Variants in SGCZ observed in about 807,000 individuals in gnomAD.
SGCZ encodes the protein sarcoglycan zeta.
In SGCZ, 40 loss-of-function variants were observed where a neutral mutation model predicts 41.3. The ratio of observed to expected loss-of-function variants is 0.97; its 90% CI spans 0.75 to 1.26. The LOEUF (loss-of-function observed/expected upper bound fraction) is 1.26, where lower values mean the gene tolerates loss of function less well. Ranked by LOEUF, SGCZ falls within the 50% of genes most tolerant of loss-of-function variation. The pLI, the probability that SGCZ is intolerant of heterozygous loss-of-function variation, is 0.00. For missense variants in SGCZ, 552 were observed against 369.8 expected (o/e 1.49, Z -4.04); for synonymous variants, 206 against 137.5 (o/e 1.50, Z -3.49).
At chr8:14,602,828 T>G (rs997061101) in intron 1 of SGCZ, among the ~76,000 whole-genome samples, 5 of 152,162 alleles carry the variant, frequency 3.3e-5, no homozygotes, top group Non-Finnish European at 5.9e-5. Flanking sequence ...AATCACCACC[T>G]CTCAGCTGAA....
chr8:14,246,443 T>C (rs1045842755), intron 3 of SGCZ, among the ~76,000 whole-genome samples: 3 of 151,238 alleles, frequency 2.0e-5, no homozygotes, highest in African/African-American at 7.3e-5. Flanking sequence ...CTGGGGACTG[T>C]TGTGGGGTGG....
chr8:15,017,144 C>A (rs1255354834), intron 1 of SGCZ, among the ~76,000 whole-genome samples: 10 of 152,160 alleles, frequency 6.6e-5, no homozygotes, highest in Non-Finnish European at 1.5e-4. Context: ...GATTTGAGTT[C>A]TGGCTTTAAA....
At chr8:15,087,819 A>T (rs1441853966) in intron 1 of SGCZ, among the ~76,000 whole-genome samples, 3 of 152,156 alleles carry the variant, frequency 2.0e-5, no homozygotes, top group African/African-American at 7.2e-5. Context: ...TTCTCTGCAA[A>T]TAAGCTATCA....
intron 2 of SGCZ, among the ~76,000 whole-genome samples, chr8:14,541,339 C>T (rs1174035492): frequency 6.6e-6 from 1 of 151,878 alleles, no homozygotes; most frequent in African/African-American, 2.4e-5. Flanking sequence ...TGTGATGTTC[C>T]CCTCCCTGTG....
At chr8:14,226,153 T>C (rs149927988) in intron 4 of SGCZ, among the ~76,000 whole-genome samples, 3 of 152,150 alleles carry the variant, frequency 2.0e-5, no homozygotes, top group East Asian at 1.9e-4. Context: ...TTTCCTTACA[T>C]AGTTGCATGA....
intron 1 of SGCZ, among the ~76,000 whole-genome samples, chr8:14,687,494 T>C (rs961070001): frequency 2.0e-5 from 3 of 151,832 alleles, no homozygotes; most frequent in African/African-American, 7.3e-5. Flanking sequence ...GATTTCCAAT[T>C]TCATCCATGT....
chr8:14,245,824 C>T (rs1246586781), intron 3 of SGCZ, among the ~76,000 whole-genome samples: 6 of 152,156 alleles, frequency 3.9e-5, no homozygotes, highest in African/African-American at 1.2e-4. Flanking sequence ...GACATTTATG[C>T]AGCCAAAAGA....
At chr8:14,217,811 G>T (rs970165616) in intron 4 of SGCZ, among the ~76,000 whole-genome samples, 61 of 151,240 alleles carry the variant, frequency 4.0e-4, no homozygotes, top group African/African-American at 1.4e-3. Context: ...TTGTATTTTT[G>T]GTAGAGACAA....
chr8:15,010,184 C>G (rs1429940785), intron 1 of SGCZ, among the ~76,000 whole-genome samples: 1 of 152,080 alleles, frequency 6.6e-6, no homozygotes, highest in Non-Finnish European at 1.5e-5. Flanking sequence ...AGAACACAAA[C>G]TAAACATTTG....
chr8:14,830,258 A>AT (rs57813453), intron 1 of SGCZ, among the ~76,000 whole-genome samples: 20,146 of 148,462 alleles, frequency 0.14, 2,370 homozygotes, highest in African/African-American at 0.32. Flanking sequence ...TGGTTTCCAA[A>AT]TTTTTTTTTT....
intron 7 of SGCZ, among the ~76,000 whole-genome samples, chr8:14,094,025 T>A (rs1478041): frequency 0.64 from 96,936 of 151,966 alleles, 33,022 homozygotes; most frequent in East Asian, 0.96. Context: ...TTTCTTCACC[T>A]TGAACACATC....
At chr8:15,095,006 T>G (rs1806288707) in intron 1 of SGCZ, among the ~76,000 whole-genome samples, 2 of 152,204 alleles carry the variant, frequency 1.3e-5, no homozygotes, top group Non-Finnish European at 2.9e-5. Context: ...AGTGTTACCT[T>G]CATTTCACCC....
Position 14,554,758 on chromosome 8 carries a change from T to C in SGCZ, c.208A>G (p.Ile70Val). ...ACAGTGAAATTCATAACTTTCAATATCCATATTGTCATGGCTAAGTTAACT... is the reference window on the plus strand; with the variant it reads ...ACAGTGAAATTCATAACTTTCAATACCCATATTGTCATGGCTAAGTTAACT... Reference protein sequence around the residue: ...MIVNLAMTIWILKVMNFTVDG... With the variant: ...MIVNLAMTIWVLKVMNFTVDG... The change falls in exon 2 of 8, where the codon ATA becomes GTA. Residue 70 changes from isoleucine (I) to valine (V), a missense_variant. By Grantham distance (29) the Ile-to-Val change is conservative. Coordinates refer to ENST00000382080, the MANE Select transcript of SGCZ (RefSeq NM_139167.4). The C allele has an allele frequency of 6.2e-7, 1 of 1,612,756 alleles. No individual in the cohort carries two copies.
intron 1 of SGCZ, among the ~76,000 whole-genome samples, chr8:15,061,520 T>C (rs934644092): frequency 7.3e-5 from 10 of 137,638 alleles, no homozygotes; most frequent in Non-Finnish European, 1.2e-4. Context: ...ATCCCAGAAC[T>C]TACAGTATAT....
At chr8:14,307,199 T>G (rs534835592) in intron 3 of SGCZ, among the ~76,000 whole-genome samples, 2 of 152,180 alleles carry the variant, frequency 1.3e-5, no homozygotes, top group Non-Finnish European at 2.9e-5. Context: ...AATTGACTTT[T>G]CCTCTTATTG....
intron 1 of SGCZ, among the ~76,000 whole-genome samples, chr8:14,924,150 T>A (rs1472256661): frequency 6.6e-6 from 1 of 152,212 alleles, no homozygotes; most frequent in East Asian, 1.9e-4. Context: ...AATCCTTTAG[T>A]CTTTAAGAAA....
chr8:15,012,306 A>G (rs544059098), intron 1 of SGCZ, among the ~76,000 whole-genome samples: 1 of 151,532 alleles, frequency 6.6e-6, no homozygotes, highest in Non-Finnish European at 1.5e-5. Flanking sequence ...CTACAGAAAA[A>G]TAAAAAATTA....
intron 1 of SGCZ, among the ~76,000 whole-genome samples, chr8:14,969,059 T>G (rs747888493): frequency 6.6e-6 from 1 of 152,146 alleles, no homozygotes; most frequent in Non-Finnish European, 1.5e-5. Context: ...GTGTGATGGA[T>G]TGAGAAATAT....
chr8:15,160,403 G>C (rs1799476302), intron 1 of SGCZ, among the ~76,000 whole-genome samples: 1 of 151,986 alleles, frequency 6.6e-6, no homozygotes, highest in African/African-American at 2.4e-5. Flanking sequence ...TAGACTCTTG[G>C]GTGCTTCCAC....
Sources: gnomAD v4.1 joint callset for allele counts (sites outside exome capture counted in the v4.1 genomes callset) on GRCh38, gnomAD v4.1.1 for gene constraint, MANE v1.5 for transcripts, NCBI Gene and HGNC (gene_info 2026-07-23, HGNC 2026-07-21) for gene names.